Variants in SPAG9 observed in about 807,000 individuals in gnomAD.
The protein encoded by SPAG9 is C-Jun-amino-terminal kinase-interacting protein 4.
SPAG9 carries 35 observed loss-of-function variants against 166.5 expected under a neutral mutation model. That is an observed-to-expected ratio of 0.21 (90% CI 0.16 to 0.28). The LOEUF (loss-of-function observed/expected upper bound fraction) is 0.28. Ranked by LOEUF, SPAG9 falls within the 10% of genes least tolerant of loss-of-function variation. SPAG9 has a pLI of 1.00. For synonymous variants in SPAG9, 534 were observed against 565.5 expected, an observed-to-expected ratio of 0.94 and a Z score of 0.79; for missense variants, 1,235 against 1,603.3, an observed-to-expected ratio of 0.77 and a Z score of 3.92.
chr17:50,979,367 G>A lies in SPAG9; in HGVS notation c.3409+379C>T, dbSNP rs147327521. 1.8e-4 allele frequency among the ~76,000 whole-genome samples: 24 copies of A among 133,834 alleles called. No individual in the cohort carries two copies. The East Asian group carries it at 2.6e-3, about 14-fold the overall frequency. The allele number at this position is 133,834 out of a possible 152,430, so 87.8% of individuals were successfully genotyped here. Reference sequence around the variant, plus strand: ...AGCCTAGGTGACAGAGTGAGACCCCGTCTTGAAAAAAAGAAAAAAAAAAAA... The same window carrying A: ...AGCCTAGGTGACAGAGTGAGACCCCATCTTGAAAAAAAGAAAAAAAAAAAA... On this transcript the variant is annotated intron_variant, in intron 26 of 29. Transcript: ENST00000262013.
chr17:51,017,737 T>C (rs757427926), intron 8 of SPAG9, among the ~76,000 whole-genome samples: 5 of 152,306 alleles, frequency 3.3e-5, no homozygotes, highest in Non-Finnish European at 5.9e-5. Context: ...TTAACATTTA[T>C]TGAATGGGGC....
At chr17:51,042,463 G>A (rs952921238) in intron 4 of SPAG9, 7 of 152,098 alleles carry the variant, frequency 4.6e-5, no homozygotes, top group East Asian at 3.8e-4. Context: ...GCCTACTAAC[G>A]GGTCATCCTG....
In SPAG9 at chr17:51,005,708, G is replaced by GT. The variant is rs1451119559; in HGVS notation, c.1424+376dup. ...TCTACTAACAGTACAAAAATTAGCTGTGTGTGGTGGCAGGCACCTACAATC... is the reference window on the plus strand; with the variant it reads ...TCTACTAACAGTACAAAAATTAGCTGTTGTGTGGTGGCAGGCACCTACAATC... On this transcript the variant is annotated intron_variant, in intron 11 of 29. Coordinates refer to ENST00000262013, the MANE Select transcript of SPAG9 (RefSeq NM_001130528.3). Among the ~76,000 whole-genome samples, 4 of 152,300 alleles carry GT rather than the reference G, an allele frequency of 2.6e-5. No individual in the cohort carries two copies. The East Asian group carries it at 7.7e-4, about 29-fold the overall frequency.
chr17:51,060,780 T>A (rs2047487915), intron 2 of SPAG9, among the ~76,000 whole-genome samples: 1 of 151,910 alleles, frequency 6.6e-6, no homozygotes, highest in Admixed American at 6.6e-5. Context: ...CAGTCTGTAA[T>A]ATTTTGTTAT....
intron 12 of SPAG9, among the ~76,000 whole-genome samples, chr17:51,003,330 TAC>T (rs1264584171): frequency 2.6e-5 from 4 of 152,212 alleles, no homozygotes. Flanking sequence ...ATAGATTTAA[TAC>T]ACTATTGTAA....
chr17:51,081,784 C>A (rs577080694), intron 1 of SPAG9, among the ~76,000 whole-genome samples: 1 of 151,948 alleles, frequency 6.6e-6, no homozygotes, highest in Non-Finnish European at 1.5e-5. Flanking sequence ...CTGCTTAAAA[C>A]GCTCTAGTGG....
At chr17:51,084,952 G>C (rs2048267437) in intron 1 of SPAG9, among the ~76,000 whole-genome samples, 1 of 152,102 alleles carries the variant, frequency 6.6e-6, no homozygotes, top group Non-Finnish European at 1.5e-5. Flanking sequence ...CCAGGTTCAA[G>C]CAATTCTCGT....
At chr17:51,058,898 T>G (rs1598102568) in intron 2 of SPAG9, among the ~76,000 whole-genome samples, 1 of 152,340 alleles carries the variant, frequency 6.6e-6, no homozygotes, top group South Asian at 2.1e-4. Flanking sequence ...TTCGAATGTT[T>G]GCCAACCCTA....
At chr17:51,026,811 G>A (rs974662321) in intron 6 of SPAG9, among the ~76,000 whole-genome samples, 8 of 151,644 alleles carry the variant, frequency 5.3e-5, no homozygotes, top group African/African-American at 1.9e-4. Flanking sequence ...CGAGTAGCTG[G>A]GATTACAGGC....
At chr17:50,985,850 C>A in intron 22 of SPAG9, 72 bp from the exon 23 acceptor site, 1 of 817,254 alleles carries the variant, frequency 1.2e-6, no homozygotes. Flanking sequence ...ACAATGATCG[C>A]GAAGTTCATT....
Position 51,079,629 on chromosome 17 carries a change from G to C in SPAG9, c.379C>G (p.Gln127Glu). The C allele has an allele frequency of 6.2e-7, 1 of 1,613,704 alleles. No homozygotes were observed. Among genetic ancestry groups the C allele is most frequent in the Non-Finnish European group, 8.5e-7 (1 of 1,179,686 alleles). ...LQTRVESLES[Q>E]TRQLELKAKN... ...GCTTTCAGCTCAAGTTGTCTTGTTTGAGATTCTAAAGATTCCACTCGGGTC... is the reference window on the plus strand; with the variant it reads ...GCTTTCAGCTCAAGTTGTCTTGTTTCAGATTCTAAAGATTCCACTCGGGTC... The change falls in exon 2 of 30, where the codon CAA becomes GAA. Residue 127 changes from glutamine (Q) to glutamate (E), a missense_variant. This residue lies in a region of SPAG9 where 288 missense variants were observed against 323.7 expected (regional missense o/e 0.89). Coordinates refer to ENST00000262013, the MANE Select transcript of SPAG9 (RefSeq NM_001130528.3).
Position 50,975,773 on chromosome 17 carries a change from A to G in SPAG9, c.3524-826T>C, listed in dbSNP as rs1337019933. 10 of 988,042 alleles carry G rather than the reference A, an allele frequency of 1.0e-5. No individual in the cohort carries two copies. In the East Asian group the frequency reaches 2.1e-4, roughly 21 times the overall value. The allele number at this position is 988,042 out of a possible 1,614,324, so 61.2% of individuals were successfully genotyped here. A position where few individuals can be genotyped will look rare whatever the true frequency, so the allele number is the denominator to read the frequency against. The stretch of plus-strand genomic sequence containing the variant: ...CTGCAAGTGGATAACATTTAGGAAC[A>G]TTCAAGAGGGTATTCTAGAGGAGTG... On this transcript the variant is annotated intron_variant, in intron 27 of 29. Transcript: ENST00000262013.
chr17:50,990,718 A>G, intron 19 of SPAG9, 50 bp from the exon 20 acceptor site: 1 of 1,472,248 alleles, frequency 6.8e-7, no homozygotes, highest in Non-Finnish European at 9.5e-7. Context: ...TATAAATAAC[A>G]TTTTTTTTAC....
At chr17:51,076,989 GCTAT>G (rs1197585096) in intron 2 of SPAG9, among the ~76,000 whole-genome samples, 4,136 of 100,626 alleles carry the variant, frequency 0.041, 150 homozygotes, top group Non-Finnish European at 0.063. Context: ...ATCTTATCTA[GCTAT>G]CTAGCTATCT....
intron 1 of SPAG9, among the ~76,000 whole-genome samples, chr17:51,113,922 G>A (rs1449648426): frequency 1.3e-5 from 2 of 152,152 alleles, no homozygotes; most frequent in Admixed American, 1.3e-4. Flanking sequence ...TTGAACCCAG[G>A]AGGCAGAGGT....
chr17:51,067,754 G>T (rs1265576717), intron 2 of SPAG9, among the ~76,000 whole-genome samples: 1 of 151,578 alleles, frequency 6.6e-6, no homozygotes, highest in Non-Finnish European at 1.5e-5. Context: ...AAAAAAAGGT[G>T]AGGGGGCAAG....
At chr17:50,968,181 A>G (rs142432359) in intron 29 of SPAG9, among the ~76,000 whole-genome samples, 28 of 152,344 alleles carry the variant, frequency 1.8e-4, no homozygotes, top group East Asian at 3.9e-4. Flanking sequence ...ATCAATTTCT[A>G]AAGTTCACAC....
chr17:50,999,380 C>T, intron 14 of SPAG9: 8 of 929,126 alleles, frequency 8.6e-6, no homozygotes, highest in South Asian at 5.5e-5. Context: ...TAAATAATTC[C>T]CCATTATTTA....
Position 51,025,316 on chromosome 17 carries a change from C to CAAAA in SPAG9, c.784-3955_784-3952dup, listed in dbSNP as rs10549685. ...CTGGTGACAGGGTGAGACTCTGTCT[C>CAAAA]AAAAAAAAAAAAAAAAAAAAAAAAA... is the stretch of plus-strand genomic sequence containing the variant. On this transcript the variant is annotated intron_variant, in intron 6 of 29. Transcript: ENST00000262013. Among the ~76,000 whole-genome samples the CAAAA allele has an allele frequency of 6.7e-4, 41 of 61,122 alleles. 3 individuals carry two copies. The highest frequency in any genetic ancestry group is 1.2e-3 in the South Asian group (2 of 1,726). The allele number at this position is 61,122 out of a possible 152,430, so 40.1% of individuals were successfully genotyped here.
Sources: allele counts gnomAD v4.1 joint callset (sites outside exome capture counted in the v4.1 genomes callset), GRCh38; gene constraint gnomAD v4.1.1; regional missense constraint gnomAD v4.1.1; transcripts MANE v1.5; gene names NCBI Gene and HGNC (gene_info 2026-07-23, HGNC 2026-07-21).